ITCH: variants seen among roughly 807,000 people sequenced by gnomAD.
ITCH encodes E3 ubiquitin-protein ligase Itchy homolog.
A neutral mutation model predicts 126.8 loss-of-function variants in ITCH; 28 were observed. The observed-to-expected ratio is 0.22, with a 90% confidence interval of 0.16 to 0.30. The LOEUF is 0.30. Among genes scored for constraint, ITCH ranks in the 10% least tolerant of loss-of-function variants. The pLI, the probability that ITCH is intolerant of heterozygous loss-of-function variation, is 1.00. For missense variants in ITCH, 631 were observed against 1,032.4 expected, an observed-to-expected ratio of 0.61 and a Z score of 5.33; for synonymous variants, 342 against 340.0, an observed-to-expected ratio of 1.01 and a Z score of -0.06.
chr20:34,471,362 GTAAA>G, intron 15 of ITCH, 78 bp from the exon 16 acceptor site: 2 of 799,948 alleles, frequency 2.5e-6, no homozygotes, highest in Non-Finnish European at 4.5e-6. Context: ...AAAGATAAAA[GTAAA>G]TAAAACTTTC....
intron 24 of ITCH, among the ~76,000 whole-genome samples, chr20:34,505,206 G>A (rs930071159): frequency 2.6e-5 from 4 of 151,978 alleles, no homozygotes; most frequent in African/African-American, 9.7e-5. Context: ...ACCACGCCCA[G>A]CTAATTTTTG....
chr20:34,466,542 C>T (rs966483243), intron 14 of ITCH: 7 of 430,462 alleles, frequency 1.6e-5, no homozygotes, highest in African/African-American at 4.2e-5. Flanking sequence ...AATAAATTAC[C>T]GATAATATTA....
chr20:34,416,493 A>AT (rs1008134580), intron 6 of ITCH, among the ~76,000 whole-genome samples: 3 of 152,116 alleles, frequency 2.0e-5, no homozygotes, highest in Admixed American at 6.5e-5. Flanking sequence ...AAAATACCTC[A>AT]TTTTTTTAGC....
At chr20:34,409,137 A>ACC (rs1213932247) in intron 4 of ITCH, among the ~76,000 whole-genome samples, 10 of 58,084 alleles carry the variant, frequency 1.7e-4, no homozygotes, top group African/African-American at 6.9e-4. Flanking sequence ...GATTATGAGT[A>ACC]CTCCCCCCCC....
At chr20:34,368,084 C>T (rs764552160) in intron 1 of ITCH, among the ~76,000 whole-genome samples, 4 of 152,076 alleles carry the variant, frequency 2.6e-5, no homozygotes, top group Non-Finnish European at 4.4e-5. Flanking sequence ...TCCTGGCCAA[C>T]GTGGTGAAAC....
At chr20:34,468,382 A>G (rs1322862194) in intron 14 of ITCH, among the ~76,000 whole-genome samples, 1 of 152,176 alleles carries the variant, frequency 6.6e-6, no homozygotes, top group Non-Finnish European at 1.5e-5. Context: ...CTTACAGCCA[A>G]CATCACAATT....
chr20:34,444,171 G>A (rs889068029), intron 10 of ITCH, among the ~76,000 whole-genome samples: 2 of 152,130 alleles, frequency 1.3e-5, no homozygotes, highest in East Asian at 1.9e-4. Flanking sequence ...GGTAGAAATC[G>A]TGAAGTCATT....
rs753422142 is a variant in ITCH, at chr20:34,412,518, C to T, written c.216C>T (p.Ile72=). ...TTCCCTCTTTTTTCACTTTTAGTAT[C>T]GTTACCCCTGTGAGTAAATTACATT... ...SPKWKQPLTV[I]VTPVSKLHFR... is the part of the protein sequence containing the mutation. Residue 72 remains isoleucine, a synonymous_variant, in exon 5 of 25, where the codon ATC becomes ATT. Transcript: ENST00000374864. 600 of 1,590,736 alleles carry T rather than the reference C, an allele frequency of 3.8e-4. No individual in the cohort carries two copies. Among genetic ancestry groups the T allele is most frequent in the Middle Eastern group, 3.3e-4 (2 of 6,028 alleles).
chr20:34,379,840 G>A lies in ITCH; in HGVS notation c.-22+10370G>A, dbSNP rs1341783740. Among the ~76,000 whole-genome samples, 5 of 148,134 alleles carry A rather than the reference G, an allele frequency of 3.4e-5. No homozygotes were observed. In the Admixed American group the frequency reaches 3.4e-4, roughly 10 times the overall value. On this transcript the variant is annotated intron_variant, in intron 2 of 24. Transcript: ENST00000374864. Reference sequence around the variant, plus strand: ...TCTCAATCTCCTGACCTCGTGATCTGCCTGCCTTGGCCTCCCAAAGTGCTG... The same window carrying A: ...TCTCAATCTCCTGACCTCGTGATCTACCTGCCTTGGCCTCCCAAAGTGCTG...
intron 14 of ITCH, 48 bp from the exon 15 acceptor site, chr20:34,469,977 ATTTTGCTTTCCTTCAGCATTATC>A: frequency 8.5e-7 from 1 of 1,170,414 alleles, no homozygotes; most frequent in Non-Finnish European, 1.3e-6. Context: ...AGGGTGGGAT[ATTTTGCTTTCCTTCAGCATTATC>A]TTTTACAAGC....
In ITCH at chr20:34,442,296, C is replaced by A; in HGVS notation, c.958C>A (p.Pro320Thr). Reference protein sequence around the residue: ...RTTWDRPEPLPPGWERRVDNM... With the variant: ...RTTWDRPEPLTPGWERRVDNM... ...AACATGGGATAGACCAGAACCTCTA[C>A]CTCCTGGGTAAGTATCTAAATTTAA... Residue 320 changes from proline (P) to threonine (T), a missense_variant, in exon 10 of 25, where the codon CCT becomes ACT. This residue lies in a region of ITCH where 390 missense variants were observed against 731.6 expected (regional missense o/e 0.53). Transcript: ENST00000374864. 6.2e-7 allele frequency: 1 copy of A among 1,602,270 alleles called. No homozygotes were observed. The highest frequency in any genetic ancestry group is 8.6e-7 in the Non-Finnish European group (1 of 1,169,336).
At chr20:34,406,939 A>G (rs940693666) in intron 3 of ITCH, among the ~76,000 whole-genome samples, 2 of 151,962 alleles carry the variant, frequency 1.3e-5, no homozygotes, top group African/African-American at 2.4e-5. Flanking sequence ...GCTACAGTAG[A>G]TAACCTGGGT....
At chr20:34,404,415 C>CTTTTT (rs1302908229) in intron 3 of ITCH, among the ~76,000 whole-genome samples, 11 of 120,508 alleles carry the variant, frequency 9.1e-5, no homozygotes, top group East Asian at 7.0e-4. Flanking sequence ...GAGCTTCTGT[C>CTTTTT]TTTTTTTTTT....
At chr20:34,507,293 T>G (rs1243286293) in intron 24 of ITCH, among the ~76,000 whole-genome samples, 5 of 139,146 alleles carry the variant, frequency 3.6e-5, no homozygotes, top group Admixed American at 7.2e-5. Context: ...TTTTTTTGGT[T>G]GTTGTTGTTG....
intron 10 of ITCH, among the ~76,000 whole-genome samples, chr20:34,443,519 T>C (rs988799308): frequency 6.6e-6 from 1 of 151,706 alleles, no homozygotes; most frequent in Non-Finnish European, 1.5e-5. Flanking sequence ...AAAAAAATCA[T>C]ATAAAATAAT....
At chr20:34,404,789 T>C (rs139210600) in intron 3 of ITCH, among the ~76,000 whole-genome samples, 45 of 152,222 alleles carry the variant, frequency 3.0e-4, no homozygotes, top group African/African-American at 1.1e-3. Flanking sequence ...AAATGACATT[T>C]ACGTGCAGGC....
At chr20:34,413,592 A>C in intron 5 of ITCH, 150 bp from the exon 6 acceptor site, 1 of 680,012 alleles carries the variant, frequency 1.5e-6, no homozygotes, top group Non-Finnish European at 2.4e-6. Flanking sequence ...AAAGTGTTCA[A>C]ACCTTGGGTG....
chr20:34,440,037 G>A lies in ITCH; in HGVS notation c.680-118G>A, dbSNP rs931825108. 58 of 704,910 alleles carry A rather than the reference G, an allele frequency of 8.2e-5. 3 individuals are homozygous for A. The highest frequency in any genetic ancestry group is 5.8e-4 in the Middle Eastern group (2 of 3,466). 43.7% of individuals were successfully genotyped at this position (704,910 alleles called of 1,614,324 possible). Reference sequence around the variant, plus strand: ...ATTTCTTTAAGTAATTTTCACCTGTGCATCTACATCTTAAGTTTTATATTT... The same window carrying A: ...ATTTCTTTAAGTAATTTTCACCTGTACATCTACATCTTAAGTTTTATATTT... On this transcript the variant is annotated intron_variant, in intron 8 of 24. Transcript: ENST00000374864.
At position 34,454,817 on chromosome 20, in the gene ITCH, G is replaced by GTTTTTTTT. The variant is rs200486269; in HGVS notation, c.1211-2551_1211-2544dup. Among the ~76,000 whole-genome samples the GTTTTTTTT allele has an allele frequency of 2.6e-4, 29 of 109,552 alleles. 1 individual carries two copies. The highest frequency in any genetic ancestry group is 8.3e-4 in the African/African-American group (22 of 26,396). 71.9% of individuals were successfully genotyped at this position (109,552 alleles called of 152,430 possible). On this transcript the variant is annotated intron_variant, in intron 12 of 24. Coordinates refer to ENST00000374864, the MANE Select transcript of ITCH (RefSeq NM_031483.7). The stretch of plus-strand genomic sequence containing the variant: ...ACCAATTTTTCTTTTTTCTTTTCCT[G>GTTTTTTTT]TTTTTTTTTTTTTTTTTTTTTTTTT...
Sources: allele counts gnomAD v4.1 joint callset (sites outside exome capture counted in the v4.1 genomes callset), GRCh38; gene constraint gnomAD v4.1.1; regional missense constraint gnomAD v4.1.1; transcripts MANE v1.5; gene names NCBI Gene and HGNC (gene_info 2026-07-23, HGNC 2026-07-21).